The following ACACB variants were observed in gnomAD, a reference collection of about 807,000 sequenced individuals.
ACACB encodes the protein acetyl-CoA carboxylase beta.
In ACACB, 209 loss-of-function variants were observed where a neutral mutation model predicts 278.8. The observed-to-expected ratio is 0.75, with a 90% CI of 0.67 to 0.84. The LOEUF (loss-of-function observed/expected upper bound fraction) is 0.84, where lower values mean the gene tolerates loss of function less well. Among genes scored for constraint, ACACB ranks in the 40% least tolerant of loss-of-function variants. The pLI is 0.00. For missense variants in ACACB, 2,850 were observed against 3,269.0 expected (o/e 0.87, Z 3.13); for synonymous variants, 1,174 against 1,285.6 (o/e 0.91, Z 1.86).
intron 32 of ACACB, 110 bp downstream of exon 32, chr12:109,235,479 G>A: frequency 7.0e-7 from 1 of 1,423,094 alleles, no homozygotes; most frequent in Non-Finnish European, 9.9e-7. Flanking sequence ...CATTAGAAAG[G>A]AGAAGGATTT....
At chr12:109,253,985 C>G (rs1030003307) in intron 43 of ACACB, among the ~76,000 whole-genome samples, 1 of 152,218 alleles carries the variant, frequency 6.6e-6, no homozygotes, top group Non-Finnish European at 1.5e-5. Flanking sequence ...GTGACACCAT[C>G]TGAACCGGGA....
intron 37 of ACACB, among the ~76,000 whole-genome samples, chr12:109,244,748 A>C (rs1443787952): frequency 1.3e-5 from 2 of 151,880 alleles, no homozygotes; most frequent in Non-Finnish European, 2.9e-5. Flanking sequence ...ATGAGCCACC[A>C]CACCCAGCTG....
intron 19 of ACACB, among the ~76,000 whole-genome samples, chr12:109,204,217 A>G (rs370737048): frequency 1.3e-5 from 2 of 150,806 alleles, no homozygotes; most frequent in East Asian, 3.9e-4. Context: ...TTTAAAATGT[A>G]CAGTCGATTT....
chr12:109,249,119 T>G (rs967121107), intron 40 of ACACB: 1 of 152,196 alleles, frequency 6.6e-6, no homozygotes, highest in Non-Finnish European at 1.5e-5. Context: ...CACGGAATCA[T>G]AGAAACCGTC....
intron 1 of ACACB, among the ~76,000 whole-genome samples, chr12:109,127,238 T>C (rs1593360535): frequency 6.6e-6 from 1 of 152,298 alleles, no homozygotes; most frequent in East Asian, 1.9e-4. Context: ...ACCTCCAAGC[T>C]GTGTGACTTC....
chr12:109,259,587 A>C (rs1724315228), intron 47 of ACACB, among the ~76,000 whole-genome samples: 1 of 151,564 alleles, frequency 6.6e-6, no homozygotes, highest in African/African-American at 2.4e-5. Flanking sequence ...AAAAAACAAA[A>C]AAAAAACAAT....
intron 1 of ACACB, among the ~76,000 whole-genome samples, chr12:109,124,064 A>G (rs1481205508): frequency 2.0e-5 from 3 of 151,492 alleles, no homozygotes; most frequent in Non-Finnish European, 2.9e-5. Context: ...ACACATTTCT[A>G]AAAGACACAA....
intron 47 of ACACB, 69 bp downstream of exon 47, chr12:109,259,177 G>T: frequency 5.1e-6 from 8 of 1,564,436 alleles, no homozygotes; most frequent in African/African-American, 1.4e-5. Flanking sequence ...CCCTCTGGGT[G>T]GTGATGCTAA....
Position 109,201,712 on chromosome 12 carries a change from C to T in ACACB, c.2913+11C>T, listed in dbSNP as rs763734658. 3 of 1,613,102 alleles carry T rather than the reference C, an allele frequency of 1.9e-6. No individual in the cohort carries two copies. The highest frequency in any genetic ancestry group is 1.7e-5 in the Admixed American group (1 of 59,958). On this transcript the variant is annotated intron_variant, in intron 19 of 52. Coordinates refer to ENST00000338432, the MANE Select transcript of ACACB (RefSeq NM_001093.4). ...TCTAAAGTCCACCCGGTATGTGGCT[C>T]CACGGCCCAAGTGCTCTGGCTGGTG...
At chr12:109,242,114 CAT>C (rs2046815920) in intron 36 of ACACB, 1 of 207,976 alleles carries the variant, frequency 4.8e-6, no homozygotes, top group African/African-American at 2.3e-5. Flanking sequence ...AGGAAATTGA[CAT>C]TGGCACAGGA....
intron 14 of ACACB, 27 bp downstream of exon 14, chr12:109,191,790 C>T: frequency 6.2e-7 from 1 of 1,614,096 alleles, no homozygotes; most frequent in Non-Finnish European, 8.5e-7. Context: ...CTGTGTCTCC[C>T]CTCTGGATGG....
intron 1 of ACACB, among the ~76,000 whole-genome samples, chr12:109,124,210 G>A (rs2042622423): frequency 6.6e-6 from 1 of 152,054 alleles, no homozygotes; most frequent in Admixed American, 6.6e-5. Context: ...ATTCAAATCA[G>A]GACCCACAGG....
At chr12:109,154,544 G>C (rs898422499) in intron 2 of ACACB, 2 of 152,442 alleles carry the variant, frequency 1.3e-5, no homozygotes, top group African/African-American at 4.8e-5. Flanking sequence ...GCTCAGCGGC[G>C]GGTCGGAGGT....
In ACACB at chr12:109,166,900, GGAACACAAGAAGC is replaced by G; in HGVS notation, c.694_706del (p.Glu232TrpfsTer38). 1 of 1,614,046 alleles carries G rather than the reference GGAACACAAGAAGC, an allele frequency of 6.2e-7. No individual in the cohort carries two copies. The highest frequency in any genetic ancestry group is 8.5e-7 in the Non-Finnish European group (1 of 1,180,020). ...GACTCCACCTGGTGAAGAGGGGACG[GGAACACAAGAAGC>G]TGGACCTGCACAGAGACTTTACCGT... On this transcript the variant is annotated frameshift_variant, in exon 3 of 53. Transcript: ENST00000338432. LOFTEE classifies it high-confidence loss of function.
intron 26 of ACACB, 89 bp downstream of exon 26, chr12:109,223,001 C>A: frequency 9.7e-7 from 1 of 1,032,920 alleles, no homozygotes; most frequent in Non-Finnish European, 1.5e-6. Flanking sequence ...TCCTGCCCTC[C>A]AGGTGCTCAG....
chr12:109,250,541 G>A (rs1267149207), intron 41 of ACACB, among the ~76,000 whole-genome samples: 1 of 152,156 alleles, frequency 6.6e-6, no homozygotes, highest in Non-Finnish European at 1.5e-5. Context: ...TGAATGTTTA[G>A]AAGAACTTTT....
At chr12:109,111,531 C>T in the ACACB span, 1 of 151,870 alleles carries the variant, frequency 6.6e-6, no homozygotes, top group East Asian at 1.9e-4. Context: ...AAAGAAGCCA[C>T]AATTGTGTTT....
intron 16 of ACACB, among the ~76,000 whole-genome samples, chr12:109,195,904 A>T (rs192291568): frequency 6.6e-6 from 1 of 152,248 alleles, no homozygotes. Flanking sequence ...TTTCATTTTG[A>T]TCAGTTTAAA....
chr12:109,250,075 G>A lies in ACACB; in HGVS notation c.5761G>A (p.Ala1921Thr). The stretch of plus-strand genomic sequence containing the variant: ...CATGATTGCTGGGGAGTCCTCTCTG[G>A]CTTACGAAGAGATCGTCACCATTAG... ...SGMIAGESSL[A>T]YEEIVTISLV... is the part of the protein sequence containing the mutation. The change falls in exon 41 of 53, where the codon GCT (alanine) becomes ACT (threonine). Residue 1921 changes from alanine to threonine, a missense_variant. Physicochemically the swap from Ala to Thr is moderately conservative, Grantham distance 58. Transcript: ENST00000338432. 6.2e-7 allele frequency: 1 copy of A among 1,612,646 alleles called. No homozygotes were observed.
Sources: allele counts gnomAD v4.1 joint callset (sites outside exome capture counted in the v4.1 genomes callset), GRCh38; gene constraint gnomAD v4.1.1; transcripts MANE v1.5; gene names NCBI Gene and HGNC (gene_info 2026-07-23, HGNC 2026-07-21).